DAPP1: variants seen among roughly 807,000 people sequenced by gnomAD.
The protein encoded by DAPP1 is dual adaptor of phosphotyrosine and 3-phosphoinositides 1.
DAPP1 carries 20 observed loss-of-function variants against 41.5 expected under a neutral mutation model. The observed-to-expected ratio is 0.48, with a 90% confidence interval of 0.34 to 0.70. The LOEUF (loss-of-function observed/expected upper bound fraction) is 0.70, where lower values mean the gene tolerates loss of function less well. Among genes scored for constraint, DAPP1 ranks in the 30% least tolerant of loss-of-function variants. The pLI is 0.01. For synonymous variants in DAPP1, 113 were observed against 116.2 expected (o/e 0.97, Z 0.18); for missense variants, 233 against 333.4 (o/e 0.70, Z 2.35).
At chr4:99,826,555 C>T (rs1415000598) in intron 1 of DAPP1, among the ~76,000 whole-genome samples, 1 of 152,206 alleles carries the variant, frequency 6.6e-6, no homozygotes. Flanking sequence ...GACATTTTGT[C>T]ATCAAGAAAT....
chr4:99,868,189 T>C lies in DAPP1; in HGVS notation c.*4T>C. 6.2e-7 allele frequency: 1 copy of C among 1,613,412 alleles called. No individual in the cohort carries two copies. The highest frequency in any genetic ancestry group is 8.5e-7 in the Non-Finnish European group (1 of 1,179,366). On this transcript the variant is annotated 3_prime_UTR_variant, in exon 9 of 9. Transcript: ENST00000512369. Reference sequence around the variant, plus strand: ...TCGGTCGTTCATCTTTAAATAGATCTTTCTTGCCAAGGAATGCTCTGGCCC... The same window carrying C: ...TCGGTCGTTCATCTTTAAATAGATCCTTCTTGCCAAGGAATGCTCTGGCCC...
At chr4:99,848,582 G>C (rs924677513) in intron 3 of DAPP1, among the ~76,000 whole-genome samples, 1 of 152,106 alleles carries the variant, frequency 6.6e-6, no homozygotes, top group Admixed American at 6.5e-5. Context: ...CAGAATTTAA[G>C]GGCAAGTTGA....
chr4:99,833,393 G>A (rs1212383139), intron 1 of DAPP1, among the ~76,000 whole-genome samples: 2 of 152,164 alleles, frequency 1.3e-5, no homozygotes, highest in Non-Finnish European at 2.9e-5. Context: ...GATAAAATAT[G>A]CTAAGAAACA....
chr4:99,852,624 T>C (rs1187883026), intron 3 of DAPP1, among the ~76,000 whole-genome samples: 2 of 152,204 alleles, frequency 1.3e-5, no homozygotes, highest in African/African-American at 4.8e-5. Flanking sequence ...GCAAAGACTT[T>C]GCTTGGTTAC....
chr4:99,822,367 T>C (rs1039128277), intron 1 of DAPP1, among the ~76,000 whole-genome samples: 1 of 152,152 alleles, frequency 6.6e-6, no homozygotes, highest in Admixed American at 6.6e-5. Context: ...GGAGGATTCA[T>C]ATGCATGTAG....
At chr4:99,817,035 T>G (rs752021987) in intron 1 of DAPP1, 21 bp downstream of exon 1, 1 of 1,565,542 alleles carries the variant, frequency 6.4e-7, no homozygotes, top group East Asian at 2.3e-5. Flanking sequence ...AGATCTCCTT[T>G]CAAAGTACCT....
At chr4:99,828,632 C>T (rs865786839) in intron 1 of DAPP1, among the ~76,000 whole-genome samples, 7 of 152,116 alleles carry the variant, frequency 4.6e-5, no homozygotes, top group Non-Finnish European at 7.3e-5. Context: ...GAAGCTGAAC[C>T]GAGGACCAGC....
intron 3 of DAPP1, among the ~76,000 whole-genome samples, chr4:99,847,170 C>G (rs1056897384): frequency 8.5e-5 from 13 of 152,206 alleles, no homozygotes; most frequent in African/African-American, 2.9e-4. Flanking sequence ...AAACACCTTA[C>G]AGGCTAGCTG....
rs1722600255 is a variant in DAPP1 at position 99,816,833 on chromosome 4, G to A, written c.-81G>A. ...CTTGCCTTGGAGACTCAGAGCCATA[G>A]CAGGCTGCTGTCTCACAGAGCGAGA... On this transcript the variant is annotated 5_prime_UTR_variant, in exon 1 of 9. Transcript: ENST00000512369. The A allele has an allele frequency of 7.9e-7, 1 of 1,258,522 alleles. No individual in the cohort carries two copies. The highest frequency in any genetic ancestry group is 2.6e-5 in the East Asian group (1 of 38,196). The allele number at this position is 1,258,522 out of a possible 1,614,324, so 78.0% of individuals were successfully genotyped here.
chr4:99,844,042 TTGTG>T (rs1723582072), intron 3 of DAPP1: 2 of 152,246 alleles, frequency 1.3e-5, no homozygotes, highest in African/African-American at 4.8e-5. Context: ...TGCCTTTCAT[TTGTG>T]ATAGTGTTGC....
chr4:99,841,359 T>C (rs978368611), intron 3 of DAPP1, among the ~76,000 whole-genome samples: 1 of 152,244 alleles, frequency 6.6e-6, no homozygotes, highest in Admixed American at 6.5e-5. Flanking sequence ...CAGTGTCTAG[T>C]ATACATGAAG....
At position 99,861,588 on chromosome 4, in the gene DAPP1, A is replaced by G; in HGVS notation, c.500A>G (p.Lys167Arg). ...LVPTAPSLGT[K>R]EGYLTKQGGL... ...GCTTTTCTTTTTCAGCTGGGCACCA[A>G]AGAAGGTTACCTCACCAAACAGGGA... Residue 167 changes from lysine to arginine, a missense_variant, in exon 5 of 9, where the codon AAA becomes AGA. Physicochemically the swap from Lys to Arg is conservative, Grantham distance 26. Coordinates refer to ENST00000512369, the MANE Select transcript of DAPP1 (RefSeq NM_014395.3). 1 of 1,573,656 alleles carries G rather than the reference A, an allele frequency of 6.4e-7. No individual in the cohort carries two copies. Among genetic ancestry groups the G allele is most frequent in the Non-Finnish European group, 8.6e-7 (1 of 1,158,410 alleles).
chr4:99,852,306 C>A (rs1723890249), intron 3 of DAPP1, among the ~76,000 whole-genome samples: 1 of 152,020 alleles, frequency 6.6e-6, no homozygotes, highest in African/African-American at 2.4e-5. Flanking sequence ...ATAGAAAAGA[C>A]CCTAGTAAAA....
rs1322733149 is a variant in DAPP1 at position 99,816,926 on chromosome 4, G to A, written c.13G>A (p.Glu5Lys). 2 of 1,607,778 alleles carry A rather than the reference G, an allele frequency of 1.2e-6. No homozygotes were observed. Among genetic ancestry groups the A allele is most frequent in the Middle Eastern group, 1.7e-4 (1 of 6,054 alleles). Residue 5 changes from glutamate to lysine, a missense_variant, in exon 1 of 9, where the codon GAA becomes AAA. Glu to Lys is a moderately conservative substitution (Grantham distance 56, BLOSUM62 1). Transcript: ENST00000512369. MGRA[E>K]LLEGKMSTQD... ...GTGAAGGGCGCGAATGGGCAGAGCA[G>A]AACTTCTAGAAGGGAAGATGAGCAC...
chr4:99,835,432 T>G (rs934443315), intron 1 of DAPP1, among the ~76,000 whole-genome samples, 191 bp from the exon 2 acceptor site: 2 of 152,208 alleles, frequency 1.3e-5, no homozygotes, highest in Admixed American at 1.3e-4. Flanking sequence ...CACGCTACTA[T>G]TAGTCAACTC....
intron 2 of DAPP1, among the ~76,000 whole-genome samples, chr4:99,836,013 C>T (rs1416264774): frequency 2.6e-5 from 4 of 152,096 alleles, no homozygotes; most frequent in African/African-American, 4.8e-5. Context: ...AAACCCAAAG[C>T]GGTGGAATGT....
chr4:99,853,243 C>T lies in DAPP1; in HGVS notation c.384C>T (p.Pro128=), dbSNP rs768738803. ...GCACTCTGATGGTTCTAAAACATCC[C>T]TACCCAAGAAAAGTGGAAGAACCCT... ...ETGTLMVLKH[P]YPRKVEEPSI... is the part of the protein sequence containing the mutation. The change falls in exon 4 of 9, where the codon CCC becomes CCT. Residue 128 remains proline (P), a synonymous_variant. Transcript: ENST00000512369. 1 of 1,613,912 alleles carries T rather than the reference C, an allele frequency of 6.2e-7. No individual in the cohort carries two copies. Among genetic ancestry groups the T allele is most frequent in the African/African-American group, 1.3e-5 (1 of 75,034 alleles).
chr4:99,835,662 T>C lies in DAPP1; in HGVS notation c.141T>C (p.Ala47=), dbSNP rs1723275400. 6.2e-7 allele frequency: 1 copy of C among 1,613,648 alleles called. No homozygotes were observed. The highest frequency in any genetic ancestry group is 1.7e-5 in the Admixed American group (1 of 59,996). Residue 47 remains alanine (A), a synonymous_variant, in exon 2 of 9, where the codon GCT becomes GCC. Transcript: ENST00000512369. ...HGNLTRHAAE[A]LLLSNGCDGS... ...ACCTCACACGCCATGCTGCTGAAGC[T>C]CTTCTCCTCTCAAATGGATGTGACG...
Position 99,863,050 on chromosome 4 carries a change from T to A in DAPP1, c.578T>A (p.Leu193Gln). ...TGGTTTACTCTGCACAGGAATGAAC[T>A]GAAATACTTCAAAGACCAGATGGTG... ...TRWFTLHRNE[L>Q]KYFKDQMSPE... Residue 193 changes from leucine (L) to glutamine (Q), a missense_variant, in exon 6 of 9, where the codon CTG becomes CAG. Leu to Gln is a moderately radical substitution (Grantham distance 113). Coordinates refer to ENST00000512369, the MANE Select transcript of DAPP1 (RefSeq NM_014395.3). 6.3e-7 allele frequency: 1 copy of A among 1,588,580 alleles called. No homozygotes were observed. Among genetic ancestry groups the A allele is most frequent in the Non-Finnish European group, 8.5e-7 (1 of 1,171,244 alleles).
Sources: gnomAD v4.1 joint callset for allele counts (sites outside exome capture counted in the v4.1 genomes callset) on GRCh38, gnomAD v4.1.1 for gene constraint, MANE v1.5 for transcripts, NCBI Gene and HGNC (gene_info 2026-07-23, HGNC 2026-07-21) for gene names.